CAMK1D: variants seen among roughly 807,000 people sequenced by gnomAD.
The protein encoded by CAMK1D is calcium/calmodulin-dependent protein kinase type 1D.
A neutral mutation model predicts 47.7 loss-of-function variants in CAMK1D; 9 were observed. The observed-to-expected ratio is 0.19, with a 90% CI of 0.11 to 0.33. The LOEUF (loss-of-function observed/expected upper bound fraction) is 0.33. Ranked by LOEUF, CAMK1D falls within the 10% of genes least tolerant of loss-of-function variation. CAMK1D has a pLI of 1.00. For synonymous variants in CAMK1D, 184 were observed against 184.9 expected (o/e 0.99, Z 0.04); for missense variants, 291 against 488.7 (o/e 0.60, Z 3.81).
intron 2 of CAMK1D, among the ~76,000 whole-genome samples, chr10:12,630,026 C>T (rs1564456208): frequency 6.6e-6 from 1 of 152,192 alleles, no homozygotes; most frequent in Non-Finnish European, 1.5e-5. Context: ...GACAGTGGGA[C>T]AGGGAGGCAC....
rs543994565 is a variant in CAMK1D at position 12,831,770 on chromosome 10, A to T, written c.*2883A>T. On this transcript the variant is annotated 3_prime_UTR_variant, in exon 11 of 11. Coordinates refer to ENST00000619168, the MANE Select transcript of CAMK1D (RefSeq NM_153498.4). Reference sequence around the variant, plus strand: ...CCCACCAGGCTTGGGTTAATTTCCTATTGCTTCAGAGAAAGAGAGGCGCTC... The same window carrying T: ...CCCACCAGGCTTGGGTTAATTTCCTTTTGCTTCAGAGAAAGAGAGGCGCTC... 1 of 152,190 alleles carries T rather than the reference A, an allele frequency of 6.6e-6. No homozygotes were observed. Among genetic ancestry groups the T allele is most frequent in the African/African-American group, 2.4e-5 (1 of 41,446 alleles). The allele number at this position is 152,190 out of a possible 1,614,324, so 9.4% of individuals were successfully genotyped here.
chr10:12,476,714 G>A (rs984082347), intron 1 of CAMK1D, among the ~76,000 whole-genome samples: 2 of 152,164 alleles, frequency 1.3e-5, no homozygotes, highest in African/African-American at 4.8e-5. Flanking sequence ...AATGTGATAA[G>A]TATTTCCACC....
At chr10:12,676,021 C>T (rs1335258471) in intron 3 of CAMK1D, among the ~76,000 whole-genome samples, 1 of 152,164 alleles carries the variant, frequency 6.6e-6, no homozygotes, top group Non-Finnish European at 1.5e-5. Flanking sequence ...GGCGCGATCT[C>T]GGCTCACCAC....
At chr10:12,369,695 A>T (rs969177517) in intron 1 of CAMK1D, among the ~76,000 whole-genome samples, 1 of 152,178 alleles carries the variant, frequency 6.6e-6, no homozygotes, top group African/African-American at 2.4e-5. Context: ...GTGGCGGCTC[A>T]CGCCTGTATT....
intron 1 of CAMK1D, among the ~76,000 whole-genome samples, chr10:12,365,584 G>A (rs1257193851): frequency 1.3e-5 from 2 of 151,940 alleles, no homozygotes; most frequent in East Asian, 3.9e-4. Context: ...GACTACAGGC[G>A]CTTGCCACCA....
intron 1 of CAMK1D, among the ~76,000 whole-genome samples, chr10:12,535,688 T>A (rs1030507390): frequency 6.6e-6 from 1 of 152,202 alleles, no homozygotes; most frequent in Non-Finnish European, 1.5e-5. Flanking sequence ...GGCTACTTCA[T>A]GAAGGTTTGG....
chr10:12,703,868 CAAA>C (rs766290620), intron 3 of CAMK1D, among the ~76,000 whole-genome samples: 2 of 67,542 alleles, frequency 3.0e-5, no homozygotes, highest in Non-Finnish European at 3.2e-5. Context: ...GACTCCGTCT[CAAA>C]AAAAAAAAAA....
At chr10:12,579,880 A>G (rs909712600) in intron 2 of CAMK1D, among the ~76,000 whole-genome samples, 2 of 151,946 alleles carry the variant, frequency 1.3e-5, no homozygotes, top group Admixed American at 6.6e-5. Context: ...TAGGTTGGAG[A>G]TTCACGGAGT....
At position 12,828,942 on chromosome 10, in the gene CAMK1D, C is replaced by T. The variant is rs187718671; in HGVS notation, c.*55C>T. 9.8e-6 allele frequency: 13 copies of T among 1,322,690 alleles called. No homozygotes were observed. The highest frequency in any genetic ancestry group is 4.4e-5 in the African/African-American group (3 of 67,746). 81.9% of individuals were successfully genotyped at this position (1,322,690 alleles called of 1,614,324 possible). ...GGCTGGGGAAGGGGAGCCCCAGGGT[C>T]GCCAGAGCCGCGAGCCACTCCAGCG... On this transcript the variant is annotated 3_prime_UTR_variant, in exon 11 of 11. Transcript: ENST00000619168.
rs372931268 is a variant in CAMK1D, at chr10:12,821,973, C to CA, written c.834-2482dup. ...TGGGCGACAGAGCAAGACTCTGTCT[C>CA]AAAAAAAAAAGAAAACAGAAAAGCA... is the stretch of plus-strand genomic sequence containing the variant. On this transcript the variant is annotated intron_variant, in intron 8 of 10. Transcript: ENST00000619168. 2.2e-3 allele frequency among the ~76,000 whole-genome samples: 317 copies of CA among 142,254 alleles called. 1 individual carries two copies. Among genetic ancestry groups the CA allele is most frequent in the African/African-American group, 7.3e-3 (282 of 38,690 alleles). 93.3% of individuals were successfully genotyped at this position (142,254 alleles called of 152,430 possible).
At chr10:12,577,698 G>T (rs370756594) in intron 2 of CAMK1D, among the ~76,000 whole-genome samples, 1 of 152,164 alleles carries the variant, frequency 6.6e-6, no homozygotes, top group African/African-American at 2.4e-5. Context: ...TGTCTTAGGG[G>T]TTCTATTCAT....
rs187312463 is a variant in CAMK1D, at chr10:12,387,630, C to T, written c.92+37720C>T. ...CAAGTGACCCTCCCACTTCAGCCTC[C>T]TGAGTAGCTGGAACCCTGGCTAATT... On this transcript the variant is annotated intron_variant, in intron 1 of 10. Coordinates refer to ENST00000619168, the MANE Select transcript of CAMK1D (RefSeq NM_153498.4). 1.3e-3 allele frequency among the ~76,000 whole-genome samples: 199 copies of T among 149,580 alleles called. 1 individual carries two copies. The highest frequency in any genetic ancestry group is 4.7e-3 in the African/African-American group (193 of 40,690).
chr10:12,362,243 C>G (rs1038319126), intron 1 of CAMK1D, among the ~76,000 whole-genome samples: 1 of 152,086 alleles, frequency 6.6e-6, no homozygotes. Context: ...GAAACACTAA[C>G]TCCCTACTCC....
At chr10:12,353,678 T>C (rs1837415240) in intron 1 of CAMK1D, among the ~76,000 whole-genome samples, 1 of 152,114 alleles carries the variant, frequency 6.6e-6, no homozygotes, top group African/African-American at 2.4e-5. Context: ...GGGACAAACC[T>C]TTCAACCTGT....
intron 1 of CAMK1D, among the ~76,000 whole-genome samples, chr10:12,363,242 G>GT (rs111571804): frequency 0.024 from 3,466 of 146,928 alleles, 126 homozygotes; most frequent in African/African-American, 0.081. Context: ...CACCCGGCCT[G>GT]TTTTTTTTTT....
intron 1 of CAMK1D, among the ~76,000 whole-genome samples, chr10:12,370,132 C>T (rs998794173): frequency 3.3e-5 from 5 of 152,042 alleles, no homozygotes; most frequent in South Asian, 2.1e-4. Context: ...ACTGCATATA[C>T]GACAGTGGTG....
At chr10:12,663,906 G>C (rs1305380892) in intron 2 of CAMK1D, among the ~76,000 whole-genome samples, 3 of 152,174 alleles carry the variant, frequency 2.0e-5, no homozygotes, top group African/African-American at 7.2e-5. Context: ...CCTGAGAACA[G>C]ATGTGGGAGG....
chr10:12,784,887 G>A (rs3824654), intron 5 of CAMK1D, among the ~76,000 whole-genome samples: 35,353 of 152,134 alleles, frequency 0.23, 4,649 homozygotes, highest in Middle Eastern at 0.35. Context: ...CAGGACATAC[G>A]GAGATGAGAG....
rs376975534 is a variant in CAMK1D at position 12,791,117 on chromosome 10, T to C, written c.566-41T>C. ...CAAAAACTGTCTTCAGTCCGAGGCA[T>C]GTAAATTGTCAGGCTGTGTCTTTTC... is the stretch of plus-strand genomic sequence containing the variant. On this transcript the variant is annotated intron_variant, in intron 5 of 10. Transcript: ENST00000619168. The C allele has an allele frequency of 2.1e-5, 34 of 1,592,816 alleles. No individual in the cohort carries two copies. In the African/African-American group the frequency reaches 3.8e-4, roughly 18 times the overall value.
Sources: allele counts gnomAD v4.1 joint callset (sites outside exome capture counted in the v4.1 genomes callset), GRCh38; gene constraint gnomAD v4.1.1; transcripts MANE v1.5; gene names NCBI Gene and HGNC (gene_info 2026-07-23, HGNC 2026-07-21).